Variants in RORA observed in about 807,000 individuals in gnomAD.
RORA encodes the protein nuclear receptor ROR-alpha.
RORA carries 7 observed loss-of-function variants against 69.5 expected under a neutral mutation model. The observed-to-expected ratio is 0.10, with a 90% CI of 0.06 to 0.19. The LOEUF (loss-of-function observed/expected upper bound fraction) is 0.19, where lower values mean the gene tolerates loss of function less well. RORA is among the 10% of genes least tolerant of loss of function. The pLI, the probability that RORA is intolerant of heterozygous loss-of-function variation, is 1.00. For synonymous variants in RORA, 261 were observed against 240.8 expected (o/e 1.08, Z -0.78); for missense variants, 457 against 663.0 (o/e 0.69, Z 3.41).
chr15:60,939,349 G>C (rs1892618933), intron 1 of RORA, among the ~76,000 whole-genome samples: 1 of 152,108 alleles, frequency 6.6e-6, no homozygotes, highest in Admixed American at 6.5e-5. Context: ...TGGACAAAGG[G>C]GGCTGGAGAG....
chr15:61,036,368 G>A (rs71411441), intron 1 of RORA, among the ~76,000 whole-genome samples: 4,461 of 152,232 alleles, frequency 0.029, 83 homozygotes, highest in Middle Eastern at 0.065. Flanking sequence ...ATTGGTTTGC[G>A]TTTACTATAG....
intron 2 of RORA, among the ~76,000 whole-genome samples, chr15:60,597,219 T>C (rs1178471308): frequency 2.0e-5 from 3 of 152,028 alleles, no homozygotes; most frequent in African/African-American, 4.8e-5. Context: ...ATGGAGACAA[T>C]GGTGCAGGGC....
chr15:60,977,412 C>G (rs913036865), intron 1 of RORA, among the ~76,000 whole-genome samples: 1 of 151,588 alleles, frequency 6.6e-6, no homozygotes, highest in African/African-American at 2.4e-5. Context: ...TATAATTATA[C>G]TTATTTTTAA....
At chr15:60,835,961 C>T (rs781394186) in intron 1 of RORA, among the ~76,000 whole-genome samples, 34 of 152,178 alleles carry the variant, frequency 2.2e-4, no homozygotes, top group Admixed American at 1.4e-3. Context: ...TCAAGTTCTG[C>T]GATACTCAAG....
intron 2 of RORA, chr15:60,630,570 A>AG (rs1283350045): frequency 6.6e-6 from 1 of 152,280 alleles, no homozygotes; most frequent in Non-Finnish European, 1.5e-5. Context: ...TCTTCTGACA[A>AG]GGTAGGGGTG....
chr15:60,925,112 A>T lies in RORA; in HGVS notation c.167-246426T>A. On this transcript the variant is annotated intron_variant, in intron 1 of 10. Transcript: ENST00000335670. Reference sequence around the variant, plus strand: ...ATAAATTAATAAAATAAAATAAAATAAAATAAAATAAAATAAAATAAAATA... The same window carrying T: ...ATAAATTAATAAAATAAAATAAAATTAAATAAAATAAAATAAAATAAAATA... Among the ~76,000 whole-genome samples the T allele has an allele frequency of 2.3e-5, 3 of 128,106 alleles. 1 individual carries two copies. The Middle Eastern group carries it at 0.011, about 485-fold the overall frequency. The allele number at this position is 128,106 out of a possible 152,430, so 84.0% of individuals were successfully genotyped here. A position where few individuals can be genotyped will look rare whatever the true frequency, so the allele number is the denominator to read the frequency against.
At chr15:60,796,691 C>G (rs1048938654) in intron 1 of RORA, among the ~76,000 whole-genome samples, 13 of 151,916 alleles carry the variant, frequency 8.6e-5, no homozygotes, top group African/African-American at 2.9e-4. Flanking sequence ...GGTATATACC[C>G]AAAAGAACTC....
intron 1 of RORA, among the ~76,000 whole-genome samples, chr15:60,947,064 G>A: frequency 1.1e-5 from 1 of 87,072 alleles, no homozygotes; most frequent in African/African-American, 3.0e-5. Context: ...GGAGGGAGGT[G>A]GGGGGCCAGC....
At chr15:60,888,233 G>A (rs377211347) in intron 1 of RORA, among the ~76,000 whole-genome samples, 4 of 152,216 alleles carry the variant, frequency 2.6e-5, no homozygotes, top group East Asian at 3.9e-4. Flanking sequence ...CTCCAGGTGA[G>A]TATTTCAGGG....
At chr15:60,665,933 G>A (rs904777295) in intron 2 of RORA, among the ~76,000 whole-genome samples, 4 of 152,034 alleles carry the variant, frequency 2.6e-5, no homozygotes, top group Non-Finnish European at 4.4e-5. Flanking sequence ...CCTTGGCCTC[G>A]CCAAGTGCTA....
chr15:60,914,074 C>G (rs1566907524), intron 1 of RORA, among the ~76,000 whole-genome samples: 1 of 152,178 alleles, frequency 6.6e-6, no homozygotes, highest in Non-Finnish European at 1.5e-5. Context: ...GATCTGCACT[C>G]CATTGACTGG....
intron 1 of RORA, among the ~76,000 whole-genome samples, chr15:60,830,106 T>C (rs2073022204): frequency 6.6e-6 from 1 of 152,246 alleles, no homozygotes; most frequent in Non-Finnish European, 1.5e-5. Context: ...TTGTAGAAAA[T>C]ATCTACTTCC....
intron 1 of RORA, among the ~76,000 whole-genome samples, chr15:60,826,790 T>TC (rs1423429144): frequency 1.2e-4 from 13 of 108,900 alleles, no homozygotes; most frequent in African/African-American, 4.3e-4. Context: ...TCTCTCTCTC[T>TC]TTTTTTTTTA....
intron 3 of RORA, among the ~76,000 whole-genome samples, chr15:60,516,039 T>A (rs1255922538): frequency 0.32 from 3,616 of 11,252 alleles, 836 homozygotes; most frequent in South Asian, 0.54. Context: ...TTATATATAT[T>A]TATATATTTA....
intron 2 of RORA, chr15:60,600,947 A>G (rs903559860): frequency 2.6e-5 from 4 of 152,160 alleles, no homozygotes; most frequent in Non-Finnish European, 5.9e-5. Context: ...AACATTCTGT[A>G]CTTTTATTAC....
chr15:60,515,953 A>ATC (rs2065867100), intron 3 of RORA, among the ~76,000 whole-genome samples: 1 of 12,584 alleles, frequency 7.9e-5, no homozygotes, highest in African/African-American at 3.7e-4. Flanking sequence ...ATATATTTAT[A>ATC]TATTTATATT....
intron 1 of RORA, among the ~76,000 whole-genome samples, chr15:60,785,418 T>A (rs1448532306): frequency 2.0e-5 from 3 of 152,254 alleles, no homozygotes; most frequent in East Asian, 3.9e-4. Flanking sequence ...AGAGAAGGGA[T>A]CTCAATTTTA....
At chr15:60,513,136 T>C (rs1029884289) in intron 4 of RORA, among the ~76,000 whole-genome samples, 4 of 152,230 alleles carry the variant, frequency 2.6e-5, no homozygotes, top group African/African-American at 9.7e-5. Context: ...GCTGTCCTTG[T>C]TCACAGAGGA....
Position 61,188,663 on chromosome 15 carries a change from A to T in RORA, c.166+40390T>A, listed in dbSNP as rs74018514. Among the ~76,000 whole-genome samples, 723 of 152,338 alleles carry T rather than the reference A, an allele frequency of 4.7e-3. 5 individuals are homozygous for T. The highest frequency in any genetic ancestry group is 0.017 in the African/African-American group (689 of 41,584). On this transcript the variant is annotated intron_variant, in intron 1 of 10. Coordinates refer to ENST00000335670, the MANE Select transcript of RORA (RefSeq NM_134261.3). ...AAAATAATAATTTAAATAAATAATTAAAAAATCAAAATACAGCTGGATGAT... is the reference window on the plus strand; with the variant it reads ...AAAATAATAATTTAAATAAATAATTTAAAAATCAAAATACAGCTGGATGAT...
Sources: allele counts gnomAD v4.1 joint callset (sites outside exome capture counted in the v4.1 genomes callset), GRCh38; gene constraint gnomAD v4.1.1; transcripts MANE v1.5; gene names NCBI Gene and HGNC (gene_info 2026-07-23, HGNC 2026-07-21).